Variants in STOML3 observed in about 807,000 individuals in gnomAD.
STOML3 encodes stomatin-like protein 3.
A neutral mutation model predicts 29.5 loss-of-function variants in STOML3; 31 were observed. The ratio of observed to expected loss-of-function variants is 1.05; its 90% CI spans 0.79 to 1.42. The LOEUF (loss-of-function observed/expected upper bound fraction) is 1.42, where lower values mean the gene tolerates loss of function less well. STOML3 is among the 40% of genes most tolerant of loss of function. The pLI is 0.00. For synonymous variants in STOML3, 122 were observed against 139.8 expected, an observed-to-expected ratio of 0.87 and a Z score of 0.90; for missense variants, 380 against 363.0, an observed-to-expected ratio of 1.05 and a Z score of -0.38.
At position 38,976,627 on chromosome 13, in the gene STOML3, G is replaced by C. The variant is rs1881086790; in HGVS notation, c.157-15C>G. On this transcript the variant is annotated splice_polypyrimidine_tract_variant and intron_variant, in intron 2 of 6. Transcript: ENST00000379631. Reference sequence around the variant, plus strand: ...TCCTTAATGATCTAGGAGATTAAGGGCGAACGTTTAGTCCTAATGGTTTGT... The same window carrying C: ...TCCTTAATGATCTAGGAGATTAAGGCCGAACGTTTAGTCCTAATGGTTTGT... 1 of 1,613,966 alleles carries C rather than the reference G, an allele frequency of 6.2e-7. No homozygotes were observed. The highest frequency in any genetic ancestry group is 1.1e-5 in the South Asian group (1 of 91,072).
chr13:38,972,370 A>T (rs1487039687), intron 4 of STOML3, 142 bp downstream of exon 4: 7 of 690,796 alleles, frequency 1.0e-5, no homozygotes, highest in Non-Finnish European at 1.6e-5. Flanking sequence ...CCACCAAGGA[A>T]GGGCAATTCA....
At chr13:38,981,017 A>G (rs534354947) in intron 1 of STOML3, among the ~76,000 whole-genome samples, 1 of 152,206 alleles carries the variant, frequency 6.6e-6, no homozygotes, top group African/African-American at 2.4e-5. Context: ...TTCAATCTGC[A>G]AAGAAAAAGG....
In STOML3 at chr13:38,988,953, A is replaced by G. The variant is rs942397950; in HGVS notation, c.52+1717T>C. 3.4e-5 allele frequency among the ~76,000 whole-genome samples: 5 copies of G among 145,044 alleles called. No individual in the cohort carries two copies. The East Asian group carries it at 5.8e-4, about 17-fold the overall frequency. ...TATTATACAATATATTATATATACT[A>G]TATTACACAATATATTATATATACT... On this transcript the variant is annotated intron_variant, in intron 1 of 6. Transcript: ENST00000379631.
At chr13:38,984,134 C>T (rs1868409862) in intron 1 of STOML3, among the ~76,000 whole-genome samples, 1 of 152,134 alleles carries the variant, frequency 6.6e-6, no homozygotes, top group African/African-American at 2.4e-5. Flanking sequence ...TTCCTACATT[C>T]GTCATTTGTT....
At chr13:38,968,256 A>G (rs1207912922) in intron 6 of STOML3, 144 bp downstream of exon 6, 1 of 1,252,458 alleles carries the variant, frequency 8.0e-7, no homozygotes, top group Non-Finnish European at 1.1e-6. Flanking sequence ...CTTTTAATTC[A>G]GGGAAAATTC....
At chr13:38,979,035 C>T (rs145897553) in intron 1 of STOML3, among the ~76,000 whole-genome samples, 125 of 152,268 alleles carry the variant, frequency 8.2e-4, no homozygotes, top group African/African-American at 2.9e-3. Flanking sequence ...CCTTCTCAGT[C>T]GTTACTTTCT....
At chr13:38,968,167 G>A (rs1880726175) in intron 6 of STOML3, among the ~76,000 whole-genome samples, 1 of 152,152 alleles carries the variant, frequency 6.6e-6, no homozygotes, top group Admixed American at 6.5e-5. Flanking sequence ...TGGCTAAGTT[G>A]CTCAGTACGT....
intron 4 of STOML3, among the ~76,000 whole-genome samples, chr13:38,970,817 T>C (rs1453352795): frequency 6.6e-6 from 1 of 152,142 alleles, no homozygotes; most frequent in Non-Finnish European, 1.5e-5. Flanking sequence ...TTAGAAAACA[T>C]AGATGGCACC....
At chr13:38,973,013 C>T (rs900886926) in intron 3 of STOML3, among the ~76,000 whole-genome samples, 1 of 148,096 alleles carries the variant, frequency 6.8e-6, no homozygotes, top group African/African-American at 2.5e-5. Context: ...AATCCCAGCA[C>T]TCTGGGAGGC....
chr13:38,972,421 A>G, intron 4 of STOML3, 91 bp downstream of exon 4: 13 of 1,294,576 alleles, frequency 1.0e-5, no homozygotes, highest in Non-Finnish European at 1.4e-5. Flanking sequence ...TCCCTCCTAT[A>G]GTTTAAAAGT....
intron 5 of STOML3, 112 bp downstream of exon 5, chr13:38,970,073 T>A: frequency 1.1e-6 from 1 of 902,626 alleles, no homozygotes; most frequent in Non-Finnish European, 1.7e-6. Context: ...TGTGTGAGTG[T>A]GTGCAAGCAT....
At chr13:38,977,439 T>C (rs1881120548) in intron 1 of STOML3, among the ~76,000 whole-genome samples, 1 of 152,222 alleles carries the variant, frequency 6.6e-6, no homozygotes, top group Non-Finnish European at 1.5e-5. Flanking sequence ...ATATGGCTCC[T>C]GGGCCATACA....
intron 3 of STOML3, among the ~76,000 whole-genome samples, chr13:38,975,123 A>T (rs1017016377): frequency 2.0e-4 from 31 of 152,070 alleles, no homozygotes; most frequent in African/African-American, 7.5e-4. Flanking sequence ...TGAGGTCAGG[A>T]GTTCAAGACC....
chr13:38,988,374 TTATATTTTATATCA>T (rs1308684859), intron 1 of STOML3, among the ~76,000 whole-genome samples: 1 of 92,734 alleles, frequency 1.1e-5, no homozygotes, highest in East Asian at 3.5e-4. Context: ...ATATAATATA[TTATATTTTATATCA>T]TATATTTTAT....
At chr13:38,984,359 C>T (rs1217067658) in intron 1 of STOML3, among the ~76,000 whole-genome samples, 1 of 152,166 alleles carries the variant, frequency 6.6e-6, no homozygotes, top group Non-Finnish European at 1.5e-5. Flanking sequence ...TCAAACATCC[C>T]CTTCTTTTCC....
intron 3 of STOML3, among the ~76,000 whole-genome samples, chr13:38,973,255 C>T (rs1232070392): frequency 6.6e-6 from 1 of 151,704 alleles, no homozygotes. Context: ...GCACTCCAGC[C>T]TGGGCAACAA....
At chr13:38,978,926 T>C (rs946904075) in intron 1 of STOML3, among the ~76,000 whole-genome samples, 1 of 152,200 alleles carries the variant, frequency 6.6e-6, no homozygotes, top group Non-Finnish European at 1.5e-5. Context: ...TTTTGATAGA[T>C]GATAAATGCC....
chr13:38,981,934 C>T (rs1881280154), intron 1 of STOML3, among the ~76,000 whole-genome samples: 1 of 152,148 alleles, frequency 6.6e-6, no homozygotes, highest in African/African-American at 2.4e-5. Flanking sequence ...GCAATGACTA[C>T]TGATGATAAA....
In STOML3 at chr13:38,977,750, A is replaced by ATTTTTTTTTTTTTTTTTTTTTTTTTTTTT. The variant is rs397851686; in HGVS notation, c.53-954_53-953insAAAAAAAAAAAAAAAAAAAAAAAAAAAAA. Reference sequence around the variant, plus strand: ...ATTATATAATTTCTGAAGTCTCCGGATTTTTTTTTTTTTTTTTTTTTTTTT... The same window carrying ATTTTTTTTTTTTTTTTTTTTTTTTTTTTT: ...ATTATATAATTTCTGAAGTCTCCGGATTTTTTTTTTTTTTTTTTTTTTTTTTTTTTTTTTTTTTTTTTTTTTTTTTTTTT... On this transcript the variant is annotated intron_variant, in intron 1 of 6. Transcript: ENST00000379631. Among the ~76,000 whole-genome samples, 36 of 84,236 alleles carry ATTTTTTTTTTTTTTTTTTTTTTTTTTTTT rather than the reference A, an allele frequency of 4.3e-4. 4 individuals are homozygous for ATTTTTTTTTTTTTTTTTTTTTTTTTTTTT. Among genetic ancestry groups the ATTTTTTTTTTTTTTTTTTTTTTTTTTTTT allele is most frequent in the Non-Finnish European group, 7.1e-4 (31 of 43,516 alleles). 55.3% of individuals were successfully genotyped at this position (84,236 alleles called of 152,430 possible). A position where few individuals can be genotyped will look rare whatever the true frequency, so the allele number is the denominator to read the frequency against.
Sources: allele counts gnomAD v4.1 joint callset (sites outside exome capture counted in the v4.1 genomes callset), GRCh38; gene constraint gnomAD v4.1.1; transcripts MANE v1.5; gene names NCBI Gene and HGNC (gene_info 2026-07-23, HGNC 2026-07-21).